The following EXOC4 variants were observed in gnomAD, a reference collection of about 807,000 sequenced individuals.
The protein encoded by EXOC4 is exocyst complex component 4.
EXOC4 carries 71 observed loss-of-function variants against 107.2 expected under a neutral mutation model. That is an observed-to-expected ratio of 0.66 (90% CI 0.55 to 0.81). The LOEUF is 0.81. Ranked by LOEUF, EXOC4 falls within the 30% of genes least tolerant of loss-of-function variation. The probability of loss-of-function intolerance (pLI) is 0.00; values close to 1 mark genes in which losing one functional copy is unlikely to be tolerated. For synonymous variants in EXOC4, 456 were observed against 441.2 expected (o/e 1.03, Z -0.42); for missense variants, 1,108 against 1,189.6 (o/e 0.93, Z 1.01).
intron 10 of EXOC4, among the ~76,000 whole-genome samples, chr7:133,723,470 A>T (rs1795148585): frequency 7.7e-6 from 1 of 129,552 alleles, no homozygotes; most frequent in South Asian, 2.8e-4. Flanking sequence ...ATGGGAGAAC[A>T]TCTTTTTTTT....
At chr7:133,560,612 C>T (rs547529195) in intron 9 of EXOC4, among the ~76,000 whole-genome samples, 4 of 152,120 alleles carry the variant, frequency 2.6e-5, no homozygotes, top group South Asian at 2.1e-4. Context: ...TCATGGTGTG[C>T]CTTTCCATTT....
intron 10 of EXOC4, among the ~76,000 whole-genome samples, chr7:133,741,646 C>T (rs1344619415): frequency 6.6e-6 from 1 of 152,104 alleles, no homozygotes; most frequent in African/African-American, 2.4e-5. Context: ...ACTATGTGCA[C>T]AGTACGGTAT....
chr7:133,540,262 A>T (rs1023246935), intron 9 of EXOC4, among the ~76,000 whole-genome samples: 1 of 152,248 alleles, frequency 6.6e-6, no homozygotes, highest in South Asian at 2.1e-4. Flanking sequence ...GGTAAACCAC[A>T]TACCATCTAA....
intron 13 of EXOC4, among the ~76,000 whole-genome samples, chr7:133,923,908 GC>G (rs1799994685): frequency 6.6e-6 from 1 of 151,994 alleles, no homozygotes; most frequent in African/African-American, 2.4e-5. Flanking sequence ...TAAATGATAA[GC>G]TTTTACATTT....
chr7:133,361,486 T>G (rs1420252087), intron 6 of EXOC4, among the ~76,000 whole-genome samples: 1 of 152,190 alleles, frequency 6.6e-6, no homozygotes, highest in Non-Finnish European at 1.5e-5. Context: ...TTCACCGTGT[T>G]AGCCAGGATG....
rs116335360 is a variant in EXOC4, at chr7:133,433,142, C to T, written c.1183-42186C>T. ...TGATGAGATCTTGTTATTCCATAAG[C>T]GGTAGGATACCAGATGTGGTAAACA... On this transcript the variant is annotated intron_variant, in intron 7 of 17. Transcript: ENST00000253861. 4.2e-3 allele frequency among the ~76,000 whole-genome samples: 642 copies of T among 152,266 alleles called. 5 individuals are homozygous for T. Among genetic ancestry groups the T allele is most frequent in the African/African-American group, 0.014 (568 of 41,554 alleles).
chr7:134,013,463 C>A (rs1794820583), intron 17 of EXOC4, among the ~76,000 whole-genome samples: 1 of 152,154 alleles, frequency 6.6e-6, no homozygotes, highest in African/African-American at 2.4e-5. Context: ...TGTACTTTGA[C>A]CTCCTGGATG....
In EXOC4 at chr7:133,922,788, G is replaced by A. The variant is rs573106981; in HGVS notation, c.2027+5050G>A. Among the ~76,000 whole-genome samples, 61 of 152,034 alleles carry A rather than the reference G, an allele frequency of 4.0e-4. No individual in the cohort carries two copies. In the South Asian group the frequency reaches 0.011, roughly 28 times the overall value. On this transcript the variant is annotated intron_variant, in intron 13 of 17. Coordinates refer to ENST00000253861, the MANE Select transcript of EXOC4 (RefSeq NM_021807.4). ...GGTGTGAACCCAAGAGGCGAGGCTT[G>A]CAGTGAGCCAAGATTGCACCACTGC...
intron 5 of EXOC4, among the ~76,000 whole-genome samples, chr7:133,333,659 A>T (rs1489040475): frequency 6.6e-6 from 1 of 152,218 alleles, no homozygotes; most frequent in Non-Finnish European, 1.5e-5. Flanking sequence ...GTATTTCTAC[A>T]TAGATCTGTA....
intron 7 of EXOC4, among the ~76,000 whole-genome samples, chr7:133,463,701 A>G (rs962567624): frequency 1.3e-5 from 2 of 152,320 alleles, no homozygotes; most frequent in East Asian, 3.9e-4. Context: ...AATCAAACTC[A>G]TTGAAGTGAA....
intron 12 of EXOC4, among the ~76,000 whole-genome samples, chr7:133,904,337 A>T (rs1454761702): frequency 6.6e-6 from 1 of 152,100 alleles, no homozygotes; most frequent in East Asian, 1.9e-4. Context: ...TTTAGGCGGG[A>T]ACATGGATAG....
At chr7:133,943,140 G>A (rs930244672) in intron 14 of EXOC4, among the ~76,000 whole-genome samples, 2 of 152,220 alleles carry the variant, frequency 1.3e-5, no homozygotes, top group African/African-American at 2.4e-5. Context: ...GAACACTTTC[G>A]TCATCACAGA....
intron 11 of EXOC4, among the ~76,000 whole-genome samples, chr7:133,840,534 T>C (rs1170602868): frequency 1.4e-5 from 2 of 143,750 alleles, no homozygotes; most frequent in Admixed American, 6.7e-5. Flanking sequence ...AGATGGAGTC[T>C]CGCTCTGTCC....
In EXOC4 at chr7:134,004,918, C is replaced by T. The variant is rs762148117; in HGVS notation, c.2355C>T (p.His785=). 1 of 1,611,420 alleles carries T rather than the reference C, an allele frequency of 6.2e-7. No homozygotes were observed. The highest frequency in any genetic ancestry group is 1.1e-5 in the South Asian group (1 of 90,834). ...LLVLHLEVRV[H]CFHYLIPLAK... ...CTATCTCTCTCTTTTTCAGGGTTCA[C>T]TGTTTCCACTATCTTATCCCTCTTG... The change falls in exon 16 of 18, where the codon CAC becomes CAT. Residue 785 remains histidine (H), a synonymous_variant. Transcript: ENST00000253861.
At chr7:133,486,245 T>C (rs1799268110) in intron 9 of EXOC4, among the ~76,000 whole-genome samples, 2 of 152,192 alleles carry the variant, frequency 1.3e-5, no homozygotes, top group South Asian at 2.1e-4. Flanking sequence ...TGAATACTTG[T>C]ATGTAATTAA....
chr7:133,324,548 A>G (rs1375853354), intron 5 of EXOC4, among the ~76,000 whole-genome samples: 1 of 152,142 alleles, frequency 6.6e-6, no homozygotes, highest in African/African-American at 2.4e-5. Flanking sequence ...CCTGAGTTCT[A>G]ATTCGATTGC....
chr7:133,368,507 T>C (rs1048324235), intron 6 of EXOC4, among the ~76,000 whole-genome samples: 1 of 152,186 alleles, frequency 6.6e-6, no homozygotes, highest in Non-Finnish European at 1.5e-5. Flanking sequence ...CAGGAATTAA[T>C]TCATTGTTAC....
intron 2 of EXOC4, among the ~76,000 whole-genome samples, chr7:133,286,642 G>A (rs1162095366): frequency 7.9e-5 from 12 of 152,192 alleles, no homozygotes; most frequent in Non-Finnish European, 7.3e-5. Context: ...GTCACTATCT[G>A]TATAGGTCTT....
intron 10 of EXOC4, among the ~76,000 whole-genome samples, chr7:133,685,620 A>G (rs1169485892): frequency 1.3e-5 from 2 of 152,212 alleles, no homozygotes; most frequent in South Asian, 2.1e-4. Context: ...CATTTAAGAA[A>G]TAGAAATTGA....
Sources: allele counts gnomAD v4.1 joint callset (sites outside exome capture counted in the v4.1 genomes callset), GRCh38; gene constraint gnomAD v4.1.1; transcripts MANE v1.5; gene names NCBI Gene and HGNC (gene_info 2026-07-23, HGNC 2026-07-21).